Variants in KCNIP4 observed in about 807,000 individuals in gnomAD.
KCNIP4 encodes potassium voltage-gated channel interacting protein 4.
KCNIP4 carries 12 observed loss-of-function variants against 34.0 expected under a neutral mutation model. The observed-to-expected ratio is 0.35, with a 90% CI of 0.23 to 0.57. The LOEUF (loss-of-function observed/expected upper bound fraction) is 0.57, where lower values mean the gene tolerates loss of function less well. Among genes scored for constraint, KCNIP4 ranks in the 20% least tolerant of loss-of-function variants. KCNIP4 has a pLI of 0.83. For synonymous variants in KCNIP4, 124 were observed against 102.2 expected (o/e 1.21, Z -1.29); for missense variants, 238 against 311.7 (o/e 0.76, Z 1.78).
chr4:21,312,381 C>T (rs536794626), intron 1 of KCNIP4, among the ~76,000 whole-genome samples: 1 of 152,138 alleles, frequency 6.6e-6, no homozygotes, highest in Non-Finnish European at 1.5e-5. Flanking sequence ...TAGGTAGAGA[C>T]CCTGGATCTC....
At chr4:21,572,371 T>C (rs1225610182) in intron 1 of KCNIP4, among the ~76,000 whole-genome samples, 2 of 152,192 alleles carry the variant, frequency 1.3e-5, no homozygotes, top group East Asian at 3.9e-4. Context: ...TGTAACGTGT[T>C]CAAATTCTAG....
Position 20,821,521 on chromosome 4 carries a change from G to T in KCNIP4, c.288+29022C>A, listed in dbSNP as rs530189792. On this transcript the variant is annotated intron_variant, in intron 3 of 8. Transcript: ENST00000382152. The stretch of plus-strand genomic sequence containing the variant: ...TTAAATAGTGTTTGAGGTACAGGTG[G>T]TTTTTTGTTACATGGATAAGCTCTT... Among the ~76,000 whole-genome samples the T allele has an allele frequency of 2.6e-3, 400 of 152,218 alleles. 3 individuals carry two copies. Among genetic ancestry groups the T allele is most frequent in the African/African-American group, 9.3e-3 (388 of 41,546 alleles).
At chr4:20,939,955 T>C (rs779251322) in intron 1 of KCNIP4, among the ~76,000 whole-genome samples, 4 of 152,198 alleles carry the variant, frequency 2.6e-5, no homozygotes, top group African/African-American at 7.2e-5. Context: ...GCCTTATTCT[T>C]CTCATATGTA....
Position 21,930,940 on chromosome 4 carries a change from T to C in KCNIP4, c.61+17631A>G, listed in dbSNP as rs186143342. On this transcript the variant is annotated intron_variant, in intron 1 of 8. Transcript: ENST00000382152. ...TCAATGAGTATTTGAGAGCCAACCA[T>C]CAGCAGACCCTGTTCTAGGCTTATG... Among the ~76,000 whole-genome samples the C allele has an allele frequency of 3.2e-3, 482 of 152,278 alleles. 3 individuals carry two copies. Among genetic ancestry groups the C allele is most frequent in the African/African-American group, 0.011 (459 of 41,568 alleles).
At chr4:21,488,050 T>C (rs1186094672) in intron 1 of KCNIP4, among the ~76,000 whole-genome samples, 1 of 152,188 alleles carries the variant, frequency 6.6e-6, no homozygotes, top group African/African-American at 2.4e-5. Flanking sequence ...GTGGTATTCT[T>C]GCTTCTAGGC....
chr4:20,803,727 G>GAGAGAGGAAGGA (rs1553898990), intron 3 of KCNIP4, among the ~76,000 whole-genome samples: 6 of 91,438 alleles, frequency 6.6e-5, no homozygotes, highest in African/African-American at 2.3e-4. Context: ...GAGAGAGAGA[G>GAGAGAGGAAGGA]AGGAAGGAAG....
intron 3 of KCNIP4, among the ~76,000 whole-genome samples, chr4:20,783,771 A>T (rs1711551302): frequency 6.6e-6 from 1 of 152,228 alleles, no homozygotes; most frequent in Non-Finnish European, 1.5e-5. Context: ...ATAAACAGGG[A>T]ATATAAAAAC....
intron 1 of KCNIP4, among the ~76,000 whole-genome samples, chr4:21,763,618 TG>T (rs1412074575): frequency 3.3e-5 from 5 of 152,164 alleles, no homozygotes; most frequent in Non-Finnish European, 1.5e-5. Flanking sequence ...TCCCCTGAGC[TG>T]GTTAACCTTG....
chr4:21,297,079 G>C (rs1396791896), intron 1 of KCNIP4, among the ~76,000 whole-genome samples: 1 of 149,160 alleles, frequency 6.7e-6, no homozygotes, highest in Non-Finnish European at 1.5e-5. Flanking sequence ...TTTCTGGTAA[G>C]TCAAGTGCTA....
At chr4:20,955,026 G>C (rs1052792726) in intron 1 of KCNIP4, among the ~76,000 whole-genome samples, 1 of 152,154 alleles carries the variant, frequency 6.6e-6, no homozygotes, top group Admixed American at 6.5e-5. Context: ...AATTTGGCAT[G>C]GAGGGGAGAG....
chr4:21,022,018 TA>T (rs1740115076), intron 1 of KCNIP4, among the ~76,000 whole-genome samples: 1 of 152,120 alleles, frequency 6.6e-6, no homozygotes, highest in South Asian at 2.1e-4. Flanking sequence ...TAGGTTTTTT[TA>T]CACCAACATC....
intron 1 of KCNIP4, among the ~76,000 whole-genome samples, chr4:21,550,046 A>G (rs1738441169): frequency 6.6e-6 from 1 of 152,142 alleles, no homozygotes; most frequent in Admixed American, 6.6e-5. Context: ...GCAGCCTTCC[A>G]TCTTCACTGA....
At chr4:21,747,579 C>T (rs1210995991) in intron 1 of KCNIP4, among the ~76,000 whole-genome samples, 1 of 152,098 alleles carries the variant, frequency 6.6e-6, no homozygotes, top group African/African-American at 2.4e-5. Flanking sequence ...AAAGTACACT[C>T]AATCTTGGAG....
At chr4:21,467,990 G>A (rs1370446583) in intron 1 of KCNIP4, among the ~76,000 whole-genome samples, 1 of 149,184 alleles carries the variant, frequency 6.7e-6, no homozygotes, top group Non-Finnish European at 1.5e-5. Flanking sequence ...ATGGAAAGCT[G>A]GCACTGATGG....
chr4:21,304,039 G>GAGAGAGAC, intron 1 of KCNIP4: 1 of 461,388 alleles, frequency 2.2e-6, no homozygotes, highest in South Asian at 6.1e-5. Context: ...ATGAGAGAGA[G>GAGAGAGAC]AGAGAGAGAG....
At chr4:21,355,325 G>A (rs1718463879) in intron 1 of KCNIP4, among the ~76,000 whole-genome samples, 1 of 152,012 alleles carries the variant, frequency 6.6e-6, no homozygotes, top group Admixed American at 6.6e-5. Context: ...AGGAAATAGA[G>A]ACACAAAAAA....
chr4:21,390,268 C>T (rs1304446326), intron 1 of KCNIP4, among the ~76,000 whole-genome samples: 21 of 152,112 alleles, frequency 1.4e-4, no homozygotes, highest in African/African-American at 2.7e-4. Flanking sequence ...TTCACTCTGA[C>T]GGTGGTTTCT....
chr4:21,351,433 T>A (rs1047511772), intron 1 of KCNIP4, among the ~76,000 whole-genome samples: 3 of 152,166 alleles, frequency 2.0e-5, no homozygotes, highest in African/African-American at 7.2e-5. Flanking sequence ...AGACATGCCT[T>A]TGGTTTTCCT....
At chr4:21,689,699 A>C (rs1011331195) in intron 1 of KCNIP4, among the ~76,000 whole-genome samples, 3 of 152,220 alleles carry the variant, frequency 2.0e-5, no homozygotes, top group African/African-American at 7.2e-5. Context: ...TAAGTAAAGA[A>C]GGGTGTCAAA....
Sources: allele counts gnomAD v4.1 joint callset (sites outside exome capture counted in the v4.1 genomes callset), GRCh38; gene constraint gnomAD v4.1.1; transcripts MANE v1.5; gene names NCBI Gene and HGNC (gene_info 2026-07-23, HGNC 2026-07-21).